Variants in ADGRG6 observed in about 807,000 individuals in gnomAD.
ADGRG6 encodes adhesion G protein-coupled receptor G6.
A neutral mutation model predicts 142.4 loss-of-function variants in ADGRG6; 84 were observed. The observed-to-expected ratio is 0.59, with a 90% CI of 0.49 to 0.71. The LOEUF (loss-of-function observed/expected upper bound fraction) is 0.71, where lower values mean the gene tolerates loss of function less well. Among genes scored for constraint, ADGRG6 ranks in the 30% least tolerant of loss-of-function variants. The probability of loss-of-function intolerance (pLI) is 0.00; values close to 1 mark genes in which losing one functional copy is unlikely to be tolerated. For synonymous variants in ADGRG6, 521 were observed against 520.5 expected (o/e 1.00, Z -0.01); for missense variants, 1,367 against 1,466.6 (o/e 0.93, Z 1.11).
Position 142,367,809 on chromosome 6 carries a change from C to T in ADGRG6, c.344C>T (p.Ala115Val), listed in dbSNP as rs1423028941. Residue 115 changes from alanine (A) to valine (V), a missense_variant, in exon 3 of 25, where the codon GCC (alanine) becomes GTC (valine). By Grantham distance (64) the Ala-to-Val change is moderately conservative (BLOSUM62 0). This residue lies in a region of ADGRG6 where 737 missense variants were observed against 746.5 expected (regional missense o/e 0.99). Transcript: ENST00000367609. ...ESQTKFCGAT[A>V]KGLSFNSSAN... ...CAGACTAAATTTTGTGGAGCAACTGCCAAAGGCCTATCATTTAACTCAAGT... is the reference window on the plus strand; with the variant it reads ...CAGACTAAATTTTGTGGAGCAACTGTCAAAGGCCTATCATTTAACTCAAGT... The T allele has an allele frequency of 6.2e-7, 1 of 1,613,548 alleles. No individual in the cohort carries two copies. The highest frequency in any genetic ancestry group is 1.7e-5 in the Admixed American group (1 of 59,996).
At chr6:142,329,244 A>G (rs1360713165) in intron 2 of ADGRG6, among the ~76,000 whole-genome samples, 1 of 152,186 alleles carries the variant, frequency 6.6e-6, no homozygotes, top group Non-Finnish European at 1.5e-5. Flanking sequence ...CAAGGACTTT[A>G]AAAATGAACT....
rs1463199892 is a variant in ADGRG6, at chr6:142,370,500, A to C, written c.776A>C (p.Asn259Thr). Residue 259 changes from asparagine to threonine, a missense_variant, in exon 4 of 25, where the codon AAT becomes ACT. By Grantham distance (65) the Asn-to-Thr change is moderately conservative. Coordinates refer to ENST00000367609, the MANE Select transcript of ADGRG6 (RefSeq NM_198569.3). ...GAACAGCTCTGCCTTGTTTGGAATA[A>C]TTCTTTGGGCTCTATTGGTGTAAAT... Reference protein sequence around the residue: ...SFEQLCLVWNNSLGSIGVNFK... With the variant: ...SFEQLCLVWNTSLGSIGVNFK... The C allele has an allele frequency of 6.2e-7, 1 of 1,613,566 alleles. No homozygotes were observed. Among genetic ancestry groups the C allele is most frequent in the Non-Finnish European group, 8.5e-7 (1 of 1,179,608 alleles).
intron 22 of ADGRG6, among the ~76,000 whole-genome samples, chr6:142,431,381 C>A (rs74708134): frequency 6.6e-6 from 1 of 152,132 alleles, no homozygotes; most frequent in South Asian, 2.1e-4. Flanking sequence ...CATGAGCTCC[C>A]TTTTGTGATA....
intron 22 of ADGRG6, among the ~76,000 whole-genome samples, chr6:142,422,664 C>A (rs1373424312): frequency 1.6e-5 from 2 of 127,838 alleles, no homozygotes; most frequent in South Asian, 2.7e-4. Flanking sequence ...ATTTATAGTC[C>A]TTTGGGTATA....
chr6:142,392,475 G>A (rs1187005703), intron 7 of ADGRG6, among the ~76,000 whole-genome samples: 1 of 151,542 alleles, frequency 6.6e-6, no homozygotes, highest in South Asian at 2.1e-4. Flanking sequence ...ATTGTGAGAT[G>A]GTAATTACTA....
rs116426372 is a variant in ADGRG6 at position 142,398,711 on chromosome 6, A to G, written c.1567+956A>G. On this transcript the variant is annotated intron_variant, in intron 10 of 24. Coordinates refer to ENST00000367609, the MANE Select transcript of ADGRG6 (RefSeq NM_198569.3). ...TTATCACCTATGTATTTTTAAAGAC[A>G]GCTCCTAAGTCAGCTCTTCTTTGGA... 3.1e-3 allele frequency among the ~76,000 whole-genome samples: 474 copies of G among 152,252 alleles called. 2 individuals are homozygous for G. Among genetic ancestry groups the G allele is most frequent in the African/African-American group, 0.011 (459 of 41,548 alleles).
intron 2 of ADGRG6, 94 bp downstream of exon 2, chr6:142,309,738 T>A (rs1777675267): frequency 4.0e-6 from 3 of 758,370 alleles, no homozygotes. Context: ...TTACTTTTAC[T>A]TACTGCCTTT....
At chr6:142,333,832 C>G (rs1484827400) in intron 2 of ADGRG6, among the ~76,000 whole-genome samples, 1 of 152,176 alleles carries the variant, frequency 6.6e-6, no homozygotes, top group Non-Finnish European at 1.5e-5. Flanking sequence ...GAAATTGAAT[C>G]ACAGAGAAGT....
In ADGRG6 at chr6:142,400,487, C is replaced by A. The variant is rs760512207; in HGVS notation, c.1570C>A (p.His524Asn). ...LHTVNVRQLG[H>N]CLAMEEPKGY... ...TGCTGGTTCTTATGTTCATATAGGT[C>A]ATTGTCTTGCCATGGAGGAACCCAA... The change falls in exon 11 of 25, where the codon CAT becomes AAT. Residue 524 changes from histidine (H) to asparagine (N), a missense_variant and splice_region_variant. Around this residue, in one of 3 missense-constraint regions of ADGRG6, gnomAD observed 737 missense variants for 746.5 expected, o/e 0.99. Coordinates refer to ENST00000367609, the MANE Select transcript of ADGRG6 (RefSeq NM_198569.3). 19 of 1,430,898 alleles carry A rather than the reference C, an allele frequency of 1.3e-5. No individual in the cohort carries two copies. The highest frequency in any genetic ancestry group is 1.8e-5 in the Non-Finnish European group (18 of 1,013,888). The allele number at this position is 1,430,898 out of a possible 1,614,324, so 88.6% of individuals were successfully genotyped here.
chr6:142,443,298 G>A, intron 24 of ADGRG6, 39 bp from the exon 25 acceptor site: 1 of 1,478,752 alleles, frequency 6.8e-7, no homozygotes, highest in Non-Finnish European at 9.4e-7. Flanking sequence ...CATGCCACCA[G>A]CTCATCTTGA....
intron 21 of ADGRG6, among the ~76,000 whole-genome samples, chr6:142,418,841 G>A (rs1456451953): frequency 6.6e-6 from 1 of 152,040 alleles, no homozygotes; most frequent in African/African-American, 2.4e-5. Context: ...TTCAATTTTT[G>A]AGGTGTCTTA....
At chr6:142,398,780 C>G (rs1255324392) in intron 10 of ADGRG6, among the ~76,000 whole-genome samples, 1 of 152,274 alleles carries the variant, frequency 6.6e-6, no homozygotes, top group Non-Finnish European at 1.5e-5. Flanking sequence ...CTTTGAGCCT[C>G]TACTTCATGC....
At chr6:142,384,506 G>A (rs1325487018) in intron 6 of ADGRG6, among the ~76,000 whole-genome samples, 1 of 152,080 alleles carries the variant, frequency 6.6e-6, no homozygotes, top group East Asian at 1.9e-4. Flanking sequence ...GAAAAGTCAG[G>A]TGAGTGGAAT....
intron 22 of ADGRG6, among the ~76,000 whole-genome samples, chr6:142,436,098 T>G (rs1380820436): frequency 6.6e-6 from 1 of 152,034 alleles, no homozygotes; most frequent in Admixed American, 6.6e-5. Flanking sequence ...TTGAGCAATA[T>G]GTGTTGGAAT....
intron 4 of ADGRG6, among the ~76,000 whole-genome samples, chr6:142,381,396 A>G (rs901325982): frequency 2.0e-5 from 3 of 152,330 alleles, no homozygotes; most frequent in East Asian, 3.9e-4. Flanking sequence ...TAGTGCAACA[A>G]TGAAAATCTA....
At chr6:142,331,013 C>CTTGCCT (rs1324766489) in intron 2 of ADGRG6, among the ~76,000 whole-genome samples, 2 of 151,958 alleles carry the variant, frequency 1.3e-5, no homozygotes, top group African/African-American at 4.8e-5. Flanking sequence ...AGAAGCAAAA[C>CTTGCCT]TTGCCTTTGC....
chr6:142,440,965 T>C (rs1777731357), intron 24 of ADGRG6: 1 of 1,453,994 alleles, frequency 6.9e-7, no homozygotes, highest in Admixed American at 2.5e-5. Flanking sequence ...TAAACTTTCG[T>C]TACTTTTTTG....
intron 2 of ADGRG6, among the ~76,000 whole-genome samples, chr6:142,338,229 C>G (rs1034886625): frequency 3.3e-5 from 5 of 150,584 alleles, no homozygotes; most frequent in Non-Finnish European, 3.0e-5. Context: ...ACCGTGGTCT[C>G]GATCTCCTGA....
chr6:142,437,666 T>C (rs1414507971), intron 23 of ADGRG6, 131 bp downstream of exon 23: 2 of 618,216 alleles, frequency 3.2e-6, no homozygotes, highest in East Asian at 2.8e-5. Context: ...AGATGCGTAG[T>C]TGGAATCATA....
Sources: gnomAD v4.1 joint callset for allele counts (sites outside exome capture counted in the v4.1 genomes callset) on GRCh38, gnomAD v4.1.1 for gene constraint, gnomAD v4.1.1 regional missense constraint, MANE v1.5 for transcripts, NCBI Gene and HGNC (gene_info 2026-07-23, HGNC 2026-07-21) for gene names.